The following MAP2 variants were observed in gnomAD, a reference collection of about 807,000 sequenced individuals.
The protein encoded by MAP2 is microtubule associated protein 2, also known as microtubule-associated protein 2.
Under a neutral mutation model 137.6 loss-of-function variants are expected in MAP2, and 14 were observed. The ratio of observed to expected loss-of-function variants is 0.10; its 90% CI spans 0.07 to 0.16. The LOEUF (loss-of-function observed/expected upper bound fraction) is 0.16, where lower values mean the gene tolerates loss of function less well. Ranked by LOEUF, MAP2 falls within the 10% of genes least tolerant of loss-of-function variation. The pLI, the probability that MAP2 is intolerant of heterozygous loss-of-function variation, is 1.00. For synonymous variants in MAP2, 786 were observed against 782.3 expected, an observed-to-expected ratio of 1.00 and a Z score of -0.08; for missense variants, 2,088 against 2,191.5, an observed-to-expected ratio of 0.95 and a Z score of 0.94.
chr2:209,585,681 C>T (rs533707790), intron 3 of MAP2, among the ~76,000 whole-genome samples: 1 of 152,262 alleles, frequency 6.6e-6, no homozygotes, highest in Admixed American at 6.5e-5. Flanking sequence ...TTTTAAATCC[C>T]TACTGTTTCC....
chr2:209,516,795 G>A (rs972438592), intron 2 of MAP2, among the ~76,000 whole-genome samples: 1 of 152,030 alleles, frequency 6.6e-6, no homozygotes, highest in Non-Finnish European at 1.5e-5. Flanking sequence ...ATCCCTTGGG[G>A]TTTTCTACCT....
chr2:209,693,701 G>T lies in MAP2; in HGVS notation c.1531G>T (p.Ala511Ser). 6.2e-7 allele frequency: 1 copy of T among 1,613,588 alleles called. No homozygotes were observed. Among genetic ancestry groups the T allele is most frequent in the Non-Finnish European group, 8.5e-7 (1 of 1,179,916 alleles). Reference protein sequence around the residue: ...VSLEQAVTDSAMTSKTLEKAM... With the variant: ...VSLEQAVTDSSMTSKTLEKAM... ...TTTGGAGCAAGCAGTTACAGATTCA[G>T]CCATGACCTCTAAAACACTGGAGAA... The change falls in exon 8 of 16, where the codon GCC becomes TCC. Residue 511 changes from alanine to serine, a missense_variant. Transcript: ENST00000682079.
At chr2:209,601,116 A>G (rs2153460308) in intron 3 of MAP2, among the ~76,000 whole-genome samples, 1 of 152,316 alleles carries the variant, frequency 6.6e-6, no homozygotes, top group African/African-American at 2.4e-5. Context: ...TGCCATATTG[A>G]CTGTAAAATA....
At chr2:209,609,351 T>C (rs1301423437) in intron 3 of MAP2, among the ~76,000 whole-genome samples, 1 of 152,026 alleles carries the variant, frequency 6.6e-6, no homozygotes, top group African/African-American at 2.4e-5. Flanking sequence ...TTGAGTGAGA[T>C]ATAATTCACA....
intron 14 of MAP2, among the ~76,000 whole-genome samples, chr2:209,729,432 A>G (rs2153818633): frequency 6.6e-6 from 1 of 152,346 alleles, no homozygotes; most frequent in Non-Finnish European, 1.5e-5. Flanking sequence ...TGTTACCATG[A>G]ATATAAAGAA....
chr2:209,485,816 T>G (rs1413896711), intron 1 of MAP2, among the ~76,000 whole-genome samples: 1 of 152,234 alleles, frequency 6.6e-6, no homozygotes, highest in Non-Finnish European at 1.5e-5. Context: ...TTAACACTCC[T>G]GTGATTAATC....
intron 13 of MAP2, among the ~76,000 whole-genome samples, chr2:209,717,826 T>G (rs557969607): frequency 5.9e-5 from 9 of 152,310 alleles, no homozygotes; most frequent in South Asian, 2.1e-4. Context: ...GGAGGTTTTT[T>G]GTTTTTTGTT....
Position 209,692,671 on chromosome 2 carries a change from G to C in MAP2, c.501G>C (p.Leu167Phe), listed in dbSNP as rs148774557. 227 of 1,598,396 alleles carry C rather than the reference G, an allele frequency of 1.4e-4. No individual in the cohort carries two copies. The African/African-American group carries it at 2.9e-3, about 21-fold the overall frequency. The stretch of plus-strand genomic sequence containing the variant: ...TGGAGTTCCACGATCAACAGGAATT[G>C]ACTCCCTCTACAGCTGAGCCTTCAG... Reference protein sequence around the residue: ...SKMEFHDQQELTPSTAEPSDQ... With the variant: ...SKMEFHDQQEFTPSTAEPSDQ... The change falls in exon 8 of 16, where the codon TTG (leucine) becomes TTC (phenylalanine). Residue 167 changes from leucine to phenylalanine, a missense_variant. By Grantham distance (22) the Leu-to-Phe change is conservative. Transcript: ENST00000682079.
intron 1 of MAP2, among the ~76,000 whole-genome samples, chr2:209,465,090 C>T (rs1025650960): frequency 8.6e-5 from 13 of 151,946 alleles, no homozygotes; most frequent in South Asian, 2.1e-4. Context: ...TTCCAAAGGT[C>T]GTGAATTAAT....
intron 1 of MAP2, among the ~76,000 whole-genome samples, chr2:209,506,729 T>C (rs914458495): frequency 6.6e-6 from 1 of 152,208 alleles, no homozygotes; most frequent in Non-Finnish European, 1.5e-5. Flanking sequence ...ACTGGAAAGA[T>C]TGATCGTTTA....
chr2:209,505,217 C>T (rs539378237), intron 1 of MAP2, among the ~76,000 whole-genome samples: 5 of 152,178 alleles, frequency 3.3e-5, no homozygotes, highest in African/African-American at 9.6e-5. Flanking sequence ...TTTCAAGATC[C>T]TCTAGGCCAA....
intron 13 of MAP2, among the ~76,000 whole-genome samples, chr2:209,711,636 C>T (rs1018265339): frequency 4.6e-5 from 7 of 152,122 alleles, no homozygotes; most frequent in Non-Finnish European, 7.4e-5. Context: ...ACTATTCTTG[C>T]GTTCATCAGA....
Position 209,692,887 on chromosome 2 carries a change from G to A in MAP2, c.717G>A (p.Gln239=), listed in dbSNP as rs751171531. The change falls in exon 8 of 16, where the codon CAG becomes CAA. Residue 239 remains glutamine, a synonymous_variant. Transcript: ENST00000682079. ...TLVASLEDMK[Q]KTEPSLVVPG... ...TTGCCAGCCTGGAAGACATGAAACAGAAGACAGAACCAAGCCTTGTAGTAC... is the reference window on the plus strand; with the variant it reads ...TTGCCAGCCTGGAAGACATGAAACAAAAGACAGAACCAAGCCTTGTAGTAC... The A allele has an allele frequency of 6.2e-7, 1 of 1,614,038 alleles. No homozygotes were observed.
At chr2:209,452,793 A>G (rs1275380577) in intron 1 of MAP2, among the ~76,000 whole-genome samples, 1 of 152,104 alleles carries the variant, frequency 6.6e-6, no homozygotes, top group East Asian at 1.9e-4. Flanking sequence ...AGTAGAGGGG[A>G]CTGTTTTTAA....
At chr2:209,470,883 C>T (rs1006202593) in intron 1 of MAP2, among the ~76,000 whole-genome samples, 2 of 152,206 alleles carry the variant, frequency 1.3e-5, no homozygotes, top group Non-Finnish European at 2.9e-5. Context: ...CACGGTCTTG[C>T]TTTTGACAAT....
intron 12 of MAP2, among the ~76,000 whole-genome samples, chr2:209,708,196 C>T (rs2064094789): frequency 6.6e-6 from 1 of 152,136 alleles, no homozygotes. Context: ...CAAACTTAGT[C>T]CATAACAAAC....
chr2:209,691,465 A>AT lies in MAP2; in HGVS notation c.455-1151dup, dbSNP rs3835774. Among the ~76,000 whole-genome samples, 967 of 151,498 alleles carry AT rather than the reference A, an allele frequency of 6.4e-3. 7 individuals carry two copies. The highest frequency in any genetic ancestry group is 0.021 in the African/African-American group (852 of 41,304). ...AACCTTTATTAGAAGTTCATCAAGT[A>AT]TTTTTTTTTCTATTGTTACAACAGG... On this transcript the variant is annotated intron_variant, in intron 7 of 15. Coordinates refer to ENST00000682079, the MANE Select transcript of MAP2 (RefSeq NM_001375505.1).
At chr2:209,634,465 T>C (rs1290004364) in intron 4 of MAP2, among the ~76,000 whole-genome samples, 1 of 152,100 alleles carries the variant, frequency 6.6e-6, no homozygotes, top group African/African-American at 2.4e-5. Flanking sequence ...GCTTTGTCAT[T>C]TTCTTCATCC....
At chr2:209,637,778 A>G (rs2093685872) in intron 4 of MAP2, among the ~76,000 whole-genome samples, 1 of 152,162 alleles carries the variant, frequency 6.6e-6, no homozygotes, top group Non-Finnish European at 1.5e-5. Flanking sequence ...TTTGAATACC[A>G]GTGCATTAAA....
Sources: gnomAD v4.1 joint callset for allele counts (sites outside exome capture counted in the v4.1 genomes callset) on GRCh38, gnomAD v4.1.1 for gene constraint, MANE v1.5 for transcripts, NCBI Gene and HGNC (gene_info 2026-07-23, HGNC 2026-07-21) for gene names.